Variants in COG5 observed in about 807,000 individuals in gnomAD.
COG5 encodes the protein component of oligomeric golgi complex 5, also known as conserved oligomeric Golgi complex subunit 5.
COG5 carries 86 observed loss-of-function variants against 110.4 expected under a neutral mutation model. The ratio of observed to expected loss-of-function variants is 0.78; its 90% CI spans 0.65 to 0.93. The LOEUF (loss-of-function observed/expected upper bound fraction) is 0.93. Ranked by LOEUF, COG5 falls within the 40% of genes least tolerant of loss-of-function variation. The probability of loss-of-function intolerance (pLI) is 0.00; values close to 1 mark genes in which losing one functional copy is unlikely to be tolerated. For missense variants in COG5, 1,077 were observed against 987.0 expected (o/e 1.09, Z -1.22); for synonymous variants, 360 against 334.6 (o/e 1.08, Z -0.83).
intron 10 of COG5, among the ~76,000 whole-genome samples, chr7:107,346,878 G>A (rs1167381260): frequency 6.6e-6 from 1 of 151,994 alleles, no homozygotes; most frequent in Non-Finnish European, 1.5e-5. Flanking sequence ...ACATGCCCTG[G>A]TGTGTGATGC....
chr7:107,330,119 T>A (rs61342054), intron 10 of COG5, among the ~76,000 whole-genome samples: 1 of 152,350 alleles, frequency 6.6e-6, no homozygotes, highest in Non-Finnish European at 1.5e-5. Flanking sequence ...GATCTATTTA[T>A]AACTGACTCC....
At chr7:107,211,272 T>G in intron 19 of COG5, 47 bp from the exon 20 acceptor site, 4 of 1,599,022 alleles carry the variant, frequency 2.5e-6, no homozygotes, top group African/African-American at 1.3e-5. Context: ...AATACTGAAA[T>G]AGGTGATTTG....
At chr7:107,288,907 G>GAGAT (rs1805886225) in intron 12 of COG5, among the ~76,000 whole-genome samples, 5 of 94,138 alleles carry the variant, frequency 5.3e-5, no homozygotes, top group Non-Finnish European at 8.6e-5. Flanking sequence ...TTCTAACAGA[G>GAGAT]ATATATATAT....
intron 6 of COG5, among the ~76,000 whole-genome samples, chr7:107,477,630 T>A (rs1371571267): frequency 2.0e-5 from 3 of 151,842 alleles, no homozygotes; most frequent in Admixed American, 1.3e-4. Context: ...TCAACTGATT[T>A]ACGACAAAGA....
chr7:107,336,453 A>G (rs1810708513), intron 10 of COG5, among the ~76,000 whole-genome samples: 1 of 152,218 alleles, frequency 6.6e-6, no homozygotes, highest in African/African-American at 2.4e-5. Flanking sequence ...TAGATAGAAG[A>G]AATAAGACCC....
At chr7:107,466,110 T>C (rs1181919993) in intron 6 of COG5, among the ~76,000 whole-genome samples, 4 of 152,130 alleles carry the variant, frequency 2.6e-5, no homozygotes, top group African/African-American at 9.7e-5. Flanking sequence ...ACATGGCTAT[T>C]TGTGTAGTTC....
intron 3 of COG5, among the ~76,000 whole-genome samples, chr7:107,551,211 T>C (rs909227772): frequency 6.6e-6 from 1 of 151,778 alleles, no homozygotes; most frequent in Non-Finnish European, 1.5e-5. Context: ...CCTGGCTAAT[T>C]TTTTGTATTT....
At chr7:107,261,170 A>G (rs1358094163) in intron 14 of COG5, among the ~76,000 whole-genome samples, 2 of 152,124 alleles carry the variant, frequency 1.3e-5, no homozygotes, top group Middle Eastern at 6.3e-3. Flanking sequence ...TGGTTGAAAA[A>G]TATCTGTGTA....
chr7:107,439,398 G>A (rs917379329), intron 6 of COG5, among the ~76,000 whole-genome samples: 6 of 151,930 alleles, frequency 3.9e-5, no homozygotes, highest in East Asian at 1.9e-4. Context: ...TGCTCTCCCC[G>A]TTTTCTCGAG....
intron 11 of COG5, among the ~76,000 whole-genome samples, chr7:107,312,588 G>A (rs997311): frequency 0.16 from 23,777 of 152,124 alleles, 2,320 homozygotes; most frequent in Non-Finnish European, 0.22. Flanking sequence ...ATATAGACAC[G>A]TGTTTCAGGT....
intron 6 of COG5, among the ~76,000 whole-genome samples, chr7:107,492,710 T>C (rs1042904820): frequency 2.6e-5 from 4 of 152,134 alleles, no homozygotes; most frequent in African/African-American, 9.7e-5. Flanking sequence ...TGTCTCTTCA[T>C]CCATCACCTA....
chr7:107,554,421 T>C, intron 2 of COG5, 79 bp from the exon 3 acceptor site: 4 of 1,251,036 alleles, frequency 3.2e-6, no homozygotes, highest in South Asian at 2.4e-5. Flanking sequence ...ATGGACAGTC[T>C]CTCTTGGTGT....
intron 19 of COG5, among the ~76,000 whole-genome samples, chr7:107,222,210 T>C (rs1446065006): frequency 6.6e-6 from 1 of 151,964 alleles, no homozygotes; most frequent in Non-Finnish European, 1.5e-5. Context: ...CCCCCCTTTT[T>C]TTTTTTTGAG....
intron 1 of COG5, among the ~76,000 whole-genome samples, chr7:107,561,381 C>T (rs1392747551): frequency 2.0e-5 from 3 of 152,118 alleles, no homozygotes; most frequent in African/African-American, 4.8e-5. Context: ...CAACAGAGAC[C>T]GCTTAATTCA....
intron 10 of COG5, among the ~76,000 whole-genome samples, chr7:107,349,042 T>A (rs1247744549): frequency 6.6e-6 from 1 of 152,146 alleles, no homozygotes; most frequent in Non-Finnish European, 1.5e-5. Context: ...GTTTTTAACA[T>A]TGATCAATTC....
At chr7:107,471,791 T>A (rs575531159) in intron 6 of COG5, 1 of 152,110 alleles carries the variant, frequency 6.6e-6, no homozygotes, top group East Asian at 1.9e-4. Context: ...GATATTCATA[T>A]CAATTGGTAT....
intron 6 of COG5, among the ~76,000 whole-genome samples, chr7:107,463,519 CAT>C (rs1184422823): frequency 3.3e-5 from 5 of 152,182 alleles, no homozygotes; most frequent in Non-Finnish European, 7.3e-5. Context: ...TGTAAGTATT[CAT>C]AGTGTAAGAA....
chr7:107,456,164 T>C (rs1422802647), intron 6 of COG5, among the ~76,000 whole-genome samples: 2 of 152,126 alleles, frequency 1.3e-5, no homozygotes, highest in East Asian at 1.9e-4. Flanking sequence ...AACCTATCGG[T>C]TCTAACATAA....
At chr7:107,216,539 A>T (rs1175921742) in intron 19 of COG5, among the ~76,000 whole-genome samples, 1 of 152,242 alleles carries the variant, frequency 6.6e-6, no homozygotes, top group Non-Finnish European at 1.5e-5. Context: ...AAATGAAATC[A>T]TATCAAGTAT....
Sources: allele counts gnomAD v4.1 joint callset (sites outside exome capture counted in the v4.1 genomes callset), GRCh38; gene constraint gnomAD v4.1.1; transcripts MANE v1.5; gene names NCBI Gene and HGNC (gene_info 2026-07-23, HGNC 2026-07-21).